FSTL5: variants seen among roughly 807,000 people sequenced by gnomAD.
FSTL5 encodes the protein follistatin like 5.
In FSTL5, 62 loss-of-function variants were observed where a neutral mutation model predicts 89.1. The observed-to-expected ratio is 0.70, with a 90% CI of 0.57 to 0.86. The LOEUF (loss-of-function observed/expected upper bound fraction) is 0.86, where lower values mean the gene tolerates loss of function less well. Ranked by LOEUF, FSTL5 falls within the 40% of genes least tolerant of loss-of-function variation. The probability of loss-of-function intolerance (pLI) is 0.00; values close to 1 mark genes in which losing one functional copy is unlikely to be tolerated. For missense variants in FSTL5, 1,057 were observed against 1,001.6 expected, an observed-to-expected ratio of 1.06 and a Z score of -0.75; for synonymous variants, 383 against 346.2, an observed-to-expected ratio of 1.11 and a Z score of -1.18.
intron 3 of FSTL5, among the ~76,000 whole-genome samples, chr4:161,948,940 A>C (rs1032719938): frequency 3.3e-5 from 5 of 152,062 alleles, no homozygotes; most frequent in Non-Finnish European, 5.9e-5. Context: ...GCTGTGACAA[A>C]TTACCACAAA....
intron 4 of FSTL5, among the ~76,000 whole-genome samples, chr4:161,811,704 A>G (rs1228915355): frequency 6.6e-6 from 1 of 152,180 alleles, no homozygotes; most frequent in African/African-American, 2.4e-5. Flanking sequence ...ACCATCAAAA[A>G]CACAATACTG....
At chr4:161,848,931 G>A (rs1560879848) in intron 4 of FSTL5, among the ~76,000 whole-genome samples, 1 of 152,182 alleles carries the variant, frequency 6.6e-6, no homozygotes, top group East Asian at 1.9e-4. Flanking sequence ...TACACTTGAG[G>A]GGTCTTACAA....
chr4:161,580,390 A>G (rs115027804), intron 8 of FSTL5, among the ~76,000 whole-genome samples: 1,551 of 152,274 alleles, frequency 0.01, 23 homozygotes, highest in African/African-American at 0.035. Context: ...TAAAATATGA[A>G]TATCTCCAAA....
At chr4:161,938,949 T>C (rs1381625594) in intron 3 of FSTL5, among the ~76,000 whole-genome samples, 1 of 151,996 alleles carries the variant, frequency 6.6e-6, no homozygotes, top group East Asian at 1.9e-4. Context: ...TAATCAATAA[T>C]TTAAAAATCA....
intron 2 of FSTL5, among the ~76,000 whole-genome samples, chr4:162,086,651 T>C (rs1047745388): frequency 6.6e-6 from 1 of 151,988 alleles, no homozygotes; most frequent in Non-Finnish European, 1.5e-5. Context: ...CCAGGGAATT[T>C]GTTTTTCCTC....
intron 4 of FSTL5, among the ~76,000 whole-genome samples, chr4:161,852,161 T>C (rs1390202393): frequency 7.4e-6 from 1 of 134,694 alleles, no homozygotes; most frequent in Non-Finnish European, 1.6e-5. Flanking sequence ...ATACACTCTT[T>C]CAACATAGGT....
intron 11 of FSTL5, among the ~76,000 whole-genome samples, chr4:161,507,126 C>A (rs1295494013): frequency 6.6e-6 from 1 of 151,870 alleles, no homozygotes; most frequent in Non-Finnish European, 1.5e-5. Context: ...CTGAATCATC[C>A]TAAATCTCTC....
intron 3 of FSTL5, among the ~76,000 whole-genome samples, chr4:161,981,671 A>G (rs1192679532): frequency 6.6e-6 from 1 of 152,188 alleles, no homozygotes; most frequent in Non-Finnish European, 1.5e-5. Context: ...TACTTTGCAA[A>G]TGTAGGTACT....
chr4:161,919,530 A>G (rs1226724284), intron 4 of FSTL5, among the ~76,000 whole-genome samples: 10 of 152,334 alleles, frequency 6.6e-5, no homozygotes, highest in African/African-American at 2.4e-4. Context: ...AATTTAAGCT[A>G]GGAGTAAAAA....
intron 4 of FSTL5, among the ~76,000 whole-genome samples, chr4:161,813,919 G>T (rs1393525739): frequency 6.6e-6 from 1 of 151,988 alleles, no homozygotes; most frequent in African/African-American, 2.4e-5. Flanking sequence ...ATAGAAAAGG[G>T]AAATTTTATT....
intron 1 of FSTL5, among the ~76,000 whole-genome samples, chr4:162,143,766 C>A (rs898139257): frequency 2.2e-5 from 3 of 135,752 alleles, no homozygotes; most frequent in Non-Finnish European, 4.7e-5. Context: ...AAAAAGGTTA[C>A]ATTGTATCTG....
Position 161,385,699 on chromosome 4 carries a change from T to G in FSTL5, c.*48A>C. 7.9e-7 allele frequency: 1 copy of G among 1,267,928 alleles called. No homozygotes were observed. The highest frequency in any genetic ancestry group is 1.4e-5 in the South Asian group (1 of 69,798). 78.5% of individuals were successfully genotyped at this position (1,267,928 alleles called of 1,614,324 possible). On this transcript the variant is annotated 3_prime_UTR_variant, in exon 16 of 16. Transcript: ENST00000306100. ...TTGTAAATTTAAACAATGGATTAAG[T>G]GCAATGTATTGTAAAACGCTTCATT...
intron 6 of FSTL5, among the ~76,000 whole-genome samples, chr4:161,730,336 C>T (rs1354008858): frequency 6.6e-6 from 1 of 152,036 alleles, no homozygotes; most frequent in Non-Finnish European, 1.5e-5. Flanking sequence ...TTATATAGTA[C>T]TCTTCTGAAC....
At chr4:162,076,462 G>A (rs1037481781) in intron 2 of FSTL5, among the ~76,000 whole-genome samples, 1 of 151,898 alleles carries the variant, frequency 6.6e-6, no homozygotes, top group African/African-American at 2.4e-5. Flanking sequence ...TTTAGGTAAA[G>A]CTTCAATGGG....
chr4:161,612,253 T>C (rs6816684), intron 7 of FSTL5, among the ~76,000 whole-genome samples: 40,755 of 152,152 alleles, frequency 0.27, 6,314 homozygotes, highest in East Asian at 0.55. Context: ...TTTGCATTAA[T>C]GAATGGAAGT....
intron 4 of FSTL5, among the ~76,000 whole-genome samples, chr4:161,904,887 T>C (rs1323640845): frequency 6.6e-6 from 1 of 151,892 alleles, no homozygotes; most frequent in Non-Finnish European, 1.5e-5. Context: ...ATAAAAATAA[T>C]ATTACTATTA....
intron 3 of FSTL5, among the ~76,000 whole-genome samples, chr4:161,942,526 A>G (rs748533121): frequency 4.6e-5 from 7 of 152,078 alleles, no homozygotes; most frequent in Non-Finnish European, 8.8e-5. Context: ...AGACCTCCCA[A>G]TCAAATATAG....
chr4:161,970,608 G>A (rs189661087), intron 3 of FSTL5, among the ~76,000 whole-genome samples: 3 of 152,158 alleles, frequency 2.0e-5, no homozygotes, highest in Admixed American at 6.6e-5. Context: ...CTGCCTTATG[G>A]AGAAGGCATC....
At position 161,481,238 on chromosome 4, in the gene FSTL5, G is replaced by A. The variant is rs542859060; in HGVS notation, c.1459-69C>T. Reference sequence around the variant, plus strand: ...TAACACATGCCTGACAATATCATGGGTAAAATTAATGTTTCATACTTTACT... The same window carrying A: ...TAACACATGCCTGACAATATCATGGATAAAATTAATGTTTCATACTTTACT... On this transcript the variant is annotated intron_variant, in intron 12 of 15. Transcript: ENST00000306100. 7.4e-6 allele frequency: 9 copies of A among 1,219,702 alleles called. No individual in the cohort carries two copies. The African/African-American group carries it at 7.6e-5, about 10-fold the overall frequency. 75.6% of individuals were successfully genotyped at this position (1,219,702 alleles called of 1,614,324 possible). A position where few individuals can be genotyped will look rare whatever the true frequency, so the allele number is the denominator to read the frequency against.
Sources: allele counts gnomAD v4.1 joint callset (sites outside exome capture counted in the v4.1 genomes callset), GRCh38; gene constraint gnomAD v4.1.1; transcripts MANE v1.5; gene names NCBI Gene and HGNC (gene_info 2026-07-23, HGNC 2026-07-21).